Variants in FANCB observed in about 807,000 individuals in gnomAD.
FANCB encodes the protein FA complementation group B, also known as Fanconi anemia group B protein.
Under a neutral mutation model 38.9 loss-of-function variants are expected in FANCB, and 5 were observed. The observed-to-expected ratio is 0.13, with a 90% CI of 0.07 to 0.27. The LOEUF is 0.27. FANCB is among the 10% of genes least tolerant of loss of function. The probability of loss-of-function intolerance (pLI) is 1.00; values close to 1 mark genes in which losing one functional copy is unlikely to be tolerated. For missense variants in FANCB, 573 were observed against 602.7 expected, an observed-to-expected ratio of 0.95 and a Z score of 0.52; for synonymous variants, 236 against 215.4, an observed-to-expected ratio of 1.10 and a Z score of -0.84.
chrX:14,718,783 A>G, the FANCB span, among the ~76,000 whole-genome samples: 2 of 110,931 alleles, frequency 1.8e-5, no homozygotes, highest in Admixed American at 9.6e-5. Context: ...GTGTCCCAAG[A>G]CTCCAGGCCC....
At chrX:14,869,494 T>C (rs1471398480) in intron 1 of FANCB, among the ~76,000 whole-genome samples, 1 of 112,065 alleles carries the variant, frequency 8.9e-6, no homozygotes, top group East Asian at 2.8e-4. Flanking sequence ...GCCACTACTA[T>C]AGTTCAGGCT....
chrX:14,858,600 A>G (rs1336915151), intron 4 of FANCB, among the ~76,000 whole-genome samples: 3 of 111,581 alleles, frequency 2.7e-5, no homozygotes, highest in South Asian at 3.7e-4. Context: ...TCTGACACCC[A>G]GGTTGAAGTG....
At chrX:14,741,835 A>G in the FANCB span, among the ~76,000 whole-genome samples, 1 of 111,809 alleles carries the variant, frequency 8.9e-6, no homozygotes, top group East Asian at 2.8e-4. Flanking sequence ...CAATGTTAGG[A>G]TAAGTTTCCT....
the FANCB span, among the ~76,000 whole-genome samples, chrX:14,693,879 T>A: frequency 8.9e-6 from 1 of 111,979 alleles, no homozygotes; most frequent in Non-Finnish European, 1.9e-5. Context: ...ATATTTTGAA[T>A]TGAAAGATAA....
chrX:14,868,784 G>T (rs2092481872), intron 2 of FANCB, 139 bp downstream of exon 2: 2 of 111,548 alleles, frequency 1.8e-5, no homozygotes, highest in Admixed American at 1.9e-4. Context: ...CATGAGGGAA[G>T]GATACACTAA....
chrX:14,746,962 T>C, the FANCB span, among the ~76,000 whole-genome samples: 1 of 111,772 alleles, frequency 8.9e-6, no homozygotes, highest in Non-Finnish European at 1.9e-5. Context: ...TGGTTTGTGA[T>C]GAGGGTCATT....
intron 4 of FANCB, among the ~76,000 whole-genome samples, chrX:14,858,549 A>G (rs964805102): frequency 8.9e-6 from 1 of 112,112 alleles, no homozygotes; most frequent in African/African-American, 3.2e-5. Context: ...TTTAAAGAGT[A>G]AACATTTTTC....
the FANCB span, among the ~76,000 whole-genome samples, chrX:14,826,649 CTT>C: frequency 1.8e-5 from 2 of 112,310 alleles, no homozygotes; most frequent in African/African-American, 3.2e-5. Flanking sequence ...TCTATTGACT[CTT>C]TTCATTTTCA....
the FANCB span, among the ~76,000 whole-genome samples, chrX:14,776,202 T>A: frequency 2.7e-5 from 3 of 112,026 alleles, no homozygotes; most frequent in African/African-American, 9.7e-5. Flanking sequence ...TCTGAGAAGC[T>A]ATACATCATC....
chrX:14,753,269 C>T, the FANCB span, among the ~76,000 whole-genome samples: 1 of 111,578 alleles, frequency 9.0e-6, no homozygotes, highest in African/African-American at 3.3e-5. Flanking sequence ...TCCAGTATGA[C>T]ATTTTATATT....
the FANCB span, among the ~76,000 whole-genome samples, chrX:14,796,930 G>A: frequency 1.1e-4 from 12 of 110,260 alleles, no homozygotes; most frequent in East Asian, 2.8e-4. Flanking sequence ...TTCTAAGGTC[G>A]GAAAAGACCA....
At position 14,850,676 on chromosome X, in the gene FANCB, T is replaced by C; in HGVS notation, c.1327-2A>G. The C allele has an allele frequency of 9.4e-7, 1 of 1,059,821 alleles. No homozygotes were observed. 87.3% of individuals were successfully genotyped at this position (1,059,821 alleles called of 1,213,427 possible). ...ACAAAGAGGAACAAGACATTCCTTC[T>C]AAAAAAAAAAGTTTAAATAACTGAT... On this transcript the variant is annotated splice_acceptor_variant, in intron 6 of 9. Transcript: ENST00000650831. LOFTEE classifies it high-confidence loss of function.
At chrX:14,698,349 T>G in the FANCB span, among the ~76,000 whole-genome samples, 1 of 111,014 alleles carries the variant, frequency 9.0e-6, no homozygotes, top group Non-Finnish European at 1.9e-5. Context: ...AAATGCATTG[T>G]GGCCTGAGTT....
chrX:14,748,383 C>T, the FANCB span, among the ~76,000 whole-genome samples: 2 of 102,242 alleles, frequency 2.0e-5, no homozygotes, highest in Admixed American at 1.0e-4. Flanking sequence ...ACTTTGTGGC[C>T]TTGTGAGAGA....
At chrX:14,759,802 GA>G in the FANCB span, among the ~76,000 whole-genome samples, 6,900 of 95,916 alleles carry the variant, frequency 0.072, 277 homozygotes, top group African/African-American at 0.14. Context: ...AAACACAATG[GA>G]AAAAAAAAAA....
At chrX:14,764,493 C>G in the FANCB span, among the ~76,000 whole-genome samples, 1 of 111,617 alleles carries the variant, frequency 9.0e-6, no homozygotes, top group Non-Finnish European at 1.9e-5. Context: ...TATAAGTTAA[C>G]CTAATCAAGG....
At chrX:14,815,708 C>T in the FANCB span, among the ~76,000 whole-genome samples, 1 of 112,142 alleles carries the variant, frequency 8.9e-6, no homozygotes, top group African/African-American at 3.2e-5. Flanking sequence ...CAAAAAGATA[C>T]CCACAGACAT....
chrX:14,752,932 C>T, the FANCB span, among the ~76,000 whole-genome samples: 1 of 103,643 alleles, frequency 9.6e-6, no homozygotes, highest in Admixed American at 1.1e-4. Flanking sequence ...TCTCCTCCTC[C>T]CTCCTTCCTT....
At chrX:14,798,212 GATCTTGGTGGCGCA>G in the FANCB span, among the ~76,000 whole-genome samples, 1 of 109,299 alleles carries the variant, frequency 9.1e-6, no homozygotes, top group Non-Finnish European at 1.9e-5. Context: ...GCGGTGGCGT[GATCTTGGTGGCGCA>G]ATCTTGGCTC....
Sources: allele counts gnomAD v4.1 joint callset (sites outside exome capture counted in the v4.1 genomes callset), GRCh38; gene constraint gnomAD v4.1.1; transcripts MANE v1.5; gene names NCBI Gene and HGNC (gene_info 2026-07-23, HGNC 2026-07-21).